Variants in SLIT3 observed in about 807,000 individuals in gnomAD.
The protein encoded by SLIT3 is slit homolog 3 protein.
In SLIT3, 68 loss-of-function variants were observed where a neutral mutation model predicts 184.0. The ratio of observed to expected loss-of-function variants is 0.37; its 90% CI spans 0.30 to 0.45. SLIT3 has a LOEUF of 0.45. Among genes scored for constraint, SLIT3 ranks in the 20% least tolerant of loss-of-function variants. The pLI is 1.00. For synonymous variants in SLIT3, 831 were observed against 828.6 expected, an observed-to-expected ratio of 1.00 and a Z score of -0.05; for missense variants, 1,707 against 2,026.0, an observed-to-expected ratio of 0.84 and a Z score of 3.02.
intron 4 of SLIT3, among the ~76,000 whole-genome samples, chr5:168,890,667 T>C (rs987282147): frequency 2.0e-5 from 3 of 152,204 alleles, no homozygotes; most frequent in African/African-American, 7.2e-5. Flanking sequence ...TTCAAAATAA[T>C]ATAGGAGAGA....
intron 21 of SLIT3, among the ~76,000 whole-genome samples, chr5:168,723,497 A>T (rs1004443248): frequency 4.6e-5 from 7 of 152,252 alleles, no homozygotes; most frequent in African/African-American, 1.2e-4. Context: ...CAGTTACATG[A>T]CTATTCATCC....
At chr5:169,218,799 C>CA (rs1764529477) in intron 3 of SLIT3, among the ~76,000 whole-genome samples, 1 of 152,162 alleles carries the variant, frequency 6.6e-6, no homozygotes, top group African/African-American at 2.4e-5. Context: ...ACTCAGTGTT[C>CA]AAGGCAGAAT....
intron 4 of SLIT3, among the ~76,000 whole-genome samples, chr5:169,099,941 G>A (rs1252450607): frequency 2.6e-5 from 4 of 152,244 alleles, no homozygotes; most frequent in South Asian, 2.1e-4. Flanking sequence ...TTATCTGAAC[G>A]AAAGCAGACT....
rs1326134379 is a variant in SLIT3, at chr5:169,001,956, G to A, written c.414-118620C>T. Among the ~76,000 whole-genome samples, 3 of 152,072 alleles carry A rather than the reference G, an allele frequency of 2.0e-5. 1 individual carries two copies. The highest frequency in any genetic ancestry group is 7.2e-5 in the African/African-American group (3 of 41,468). On this transcript the variant is annotated intron_variant, in intron 4 of 35. Transcript: ENST00000519560. ...GGGAACTGCAAACGGTAGGTTTTTA[G>A]AGTAGGGAGAGGAGGGGACTCAAAA...
At chr5:168,721,281 G>A (rs572205834) in intron 23 of SLIT3, among the ~76,000 whole-genome samples, 1 of 152,258 alleles carries the variant, frequency 6.6e-6, no homozygotes, top group East Asian at 1.9e-4. Flanking sequence ...ACAAAAATCA[G>A]GTGTTAATCA....
intron 6 of SLIT3, among the ~76,000 whole-genome samples, chr5:168,830,671 C>T (rs1425878062): frequency 6.6e-6 from 1 of 152,214 alleles, no homozygotes; most frequent in Non-Finnish European, 1.5e-5. Flanking sequence ...TCTCCCAACA[C>T]TCCTGAGATA....
chr5:168,854,850 A>C (rs965784575), intron 5 of SLIT3, among the ~76,000 whole-genome samples: 1 of 152,208 alleles, frequency 6.6e-6, no homozygotes, highest in Non-Finnish European at 1.5e-5. Context: ...GCAGAAGCCA[A>C]TTAAAACATG....
intron 1 of SLIT3, among the ~76,000 whole-genome samples, chr5:169,296,665 A>G (rs900276487): frequency 6.6e-6 from 1 of 152,334 alleles, no homozygotes; most frequent in South Asian, 2.1e-4. Flanking sequence ...GGGAAAGCCT[A>G]TGACATGGTG....
intron 4 of SLIT3, among the ~76,000 whole-genome samples, chr5:168,897,924 G>T (rs1338728988): frequency 6.6e-6 from 1 of 152,104 alleles, no homozygotes; most frequent in Non-Finnish European, 1.5e-5. Context: ...CAGCCAGAGG[G>T]GAGCTCCAGA....
intron 4 of SLIT3, among the ~76,000 whole-genome samples, chr5:169,000,475 C>A (rs377521883): frequency 9.7e-4 from 143 of 147,476 alleles, no homozygotes; most frequent in Non-Finnish European, 1.7e-3. Context: ...GTTGCATCAA[C>A]GCTTAAGCCT....
At chr5:168,817,650 C>G (rs1757379279) in intron 7 of SLIT3, among the ~76,000 whole-genome samples, 187 bp from the exon 8 acceptor site, 1 of 152,220 alleles carries the variant, frequency 6.6e-6, no homozygotes, top group African/African-American at 2.4e-5. Flanking sequence ...ATTGCCAGGT[C>G]ACATCCAAAG....
At chr5:168,838,009 C>T (rs1040632479) in intron 6 of SLIT3, among the ~76,000 whole-genome samples, 9 of 152,228 alleles carry the variant, frequency 5.9e-5, no homozygotes, top group Middle Eastern at 3.4e-3. Flanking sequence ...GCTGATTAAG[C>T]TGAGGTCATA....
Position 169,300,686 on chromosome 5 carries a change from G to A in SLIT3, c.24C>T (p.Val8=). 3 of 1,382,700 alleles carry A rather than the reference G, an allele frequency of 2.2e-6. No homozygotes were observed. The highest frequency in any genetic ancestry group is 2.8e-6 in the Non-Finnish European group (3 of 1,076,872). 85.7% of individuals were successfully genotyped at this position (1,382,700 alleles called of 1,614,324 possible). Residue 8 remains valine (V), a synonymous_variant, in exon 1 of 36, where the codon GTC becomes GTT. Transcript: ENST00000519560. This position sits in a 1 kb window ranked among gnomAD's most constrained non-coding sequence, Gnocchi z 4.1. MAPGWAG[V]GAAVRARLAL... ...CCAGGCGGGCGCGCACGGCGGCGCC[G>A]ACCCCTGCCCACCCGGGGGCCATGG...
Position 168,722,943 on chromosome 5 carries a change from G to C in SLIT3, c.2401C>G (p.Leu801Val). 6.2e-7 allele frequency: 1 copy of C among 1,612,440 alleles called. No homozygotes were observed. The highest frequency in any genetic ancestry group is 1.7e-4 in the Middle Eastern group (1 of 6,060). Residue 801 changes from leucine to valine, a missense_variant, in exon 22 of 36, where the codon CTC becomes GTC. Leu to Val is a conservative substitution (Grantham distance 32, BLOSUM62 1). Transcript: ENST00000519560. ...TCTCAGTGTACTCACAGAGTGGAGA[G>C]GTGAGACATGTTACTGAAGGTGTAA... ...TNYTFSNMSH[L>V]STLILSYNRL...
chr5:168,912,208 A>G (rs956825812), intron 4 of SLIT3, among the ~76,000 whole-genome samples: 1 of 152,226 alleles, frequency 6.6e-6, no homozygotes, highest in African/African-American at 2.4e-5. Flanking sequence ...TTTATTGTAA[A>G]AATACAGTAT....
chr5:169,286,859 T>C (rs1264397112), intron 1 of SLIT3, among the ~76,000 whole-genome samples: 1 of 152,176 alleles, frequency 6.6e-6, no homozygotes, highest in Non-Finnish European at 1.5e-5. Flanking sequence ...CAAAGAAAAC[T>C]GTAGTGCAGT....
chr5:169,124,545 T>C (rs1761005779), intron 4 of SLIT3, among the ~76,000 whole-genome samples: 2 of 151,972 alleles, frequency 1.3e-5, no homozygotes, highest in South Asian at 2.1e-4. Context: ...GCTGGTGCAG[T>C]GCTCTACACA....
intron 16 of SLIT3, 134 bp downstream of exon 16, chr5:168,760,728 C>A (rs1023372989): frequency 3.0e-6 from 2 of 664,004 alleles, no homozygotes; most frequent in East Asian, 2.6e-5. Context: ...GAGGCCACAG[C>A]GGGGCTGAGG....
At chr5:169,134,599 G>GGAGGGCT (rs1354985309) in intron 4 of SLIT3, among the ~76,000 whole-genome samples, 2 of 152,134 alleles carry the variant, frequency 1.3e-5, no homozygotes, top group East Asian at 3.9e-4. Context: ...GGGGCCTGTC[G>GGAGGGCT]GAGGGCTGGG....
Sources: gnomAD v4.1 joint callset for allele counts (sites outside exome capture counted in the v4.1 genomes callset) on GRCh38, gnomAD v4.1.1 for gene constraint, Gnocchi (gnomAD v3.1) non-coding constraint, MANE v1.5 for transcripts, NCBI Gene and HGNC (gene_info 2026-07-23, HGNC 2026-07-21) for gene names.